The following ST3GAL5 variants were observed in gnomAD, a reference collection of about 807,000 sequenced individuals.
ST3GAL5 encodes the protein ST3 beta-galactoside alpha-2,3-sialyltransferase 5, also known as lactosylceramide alpha-2,3-sialyltransferase.
Under a neutral mutation model 46.1 loss-of-function variants are expected in ST3GAL5, and 25 were observed. That is an observed-to-expected ratio of 0.54 (90% CI 0.40 to 0.76). The LOEUF (loss-of-function observed/expected upper bound fraction) is 0.76. ST3GAL5 is among the 30% of genes least tolerant of loss of function. The pLI is 0.00. For synonymous variants in ST3GAL5, 182 were observed against 192.7 expected, an observed-to-expected ratio of 0.94 and a Z score of 0.46; for missense variants, 431 against 521.2, an observed-to-expected ratio of 0.83 and a Z score of 1.69.
intron 3 of ST3GAL5, chr2:85,848,656 G>T: frequency 3.4e-6 from 1 of 291,948 alleles, no homozygotes; most frequent in South Asian, 3.5e-5. Context: ...ATCTAAAGTA[G>T]TCAAATTCAT....
chr2:85,844,682 A>C, intron 5 of ST3GAL5, 128 bp from the exon 6 acceptor site: 2 of 1,280,938 alleles, frequency 1.6e-6, no homozygotes, highest in Non-Finnish European at 2.2e-6. Context: ...GAAGCAATCT[A>C]CTCCTATAGA....
chr2:85,838,036 A>G lies in ST3GAL5; in HGVS notation c.*2108T>C, dbSNP rs1681634322. ...ATGCAACTTCCAACAAATGAATGCC[A>G]AAGTGTGAAAAGTTCTTGAGAATGA... On this transcript the variant is annotated 3_prime_UTR_variant, in exon 7 of 7. Coordinates refer to ENST00000638572, the MANE Select transcript of ST3GAL5 (RefSeq NM_003896.4). The G allele has an allele frequency of 6.6e-6, 1 of 152,300 alleles. No homozygotes were observed. Among genetic ancestry groups the G allele is most frequent in the Admixed American group, 6.5e-5 (1 of 15,286 alleles). 9.4% of individuals were successfully genotyped at this position (152,300 alleles called of 1,614,324 possible).
Position 85,888,949 on chromosome 2 carries a change from G to A in ST3GAL5, c.-44C>T. 2.4e-6 allele frequency: 3 copies of A among 1,246,656 alleles called. No individual in the cohort carries two copies. Among genetic ancestry groups the A allele is most frequent in the South Asian group, 2.4e-5 (1 of 41,260 alleles). The allele number at this position is 1,246,656 out of a possible 1,614,324, so 77.2% of individuals were successfully genotyped here. A position where few individuals can be genotyped will look rare whatever the true frequency, so the allele number is the denominator to read the frequency against. ...GCCGGCCGCCAGCCCGGTACCCCGC[G>A]CCCCCACCCGCCCCCAGCGCCGCTC... On this transcript the variant is annotated 5_prime_UTR_variant, in exon 1 of 7. Transcript: ENST00000638572.
In ST3GAL5 at chr2:85,846,552, G is replaced by A. The variant is rs1252936267; in HGVS notation, c.674C>T (p.Ala225Val). The change falls in exon 5 of 7, where the codon GCA (alanine) becomes GTA (valine). Residue 225 changes from alanine (A) to valine (V), a missense_variant. Transcript: ENST00000638572. ...QFDVVIRLNS[A>V]PVEGYSEHVG... ...ATGTTCTGAATATCCCTCAACTGGT[G>A]CACTGTTTAACCTATTTAAATAAAA... 6.2e-7 allele frequency: 1 copy of A among 1,614,128 alleles called. No individual in the cohort carries two copies. The highest frequency in any genetic ancestry group is 8.5e-7 in the Non-Finnish European group (1 of 1,180,020).
intron 1 of ST3GAL5, among the ~76,000 whole-genome samples, chr2:85,872,780 A>C (rs1034176022): frequency 6.6e-6 from 1 of 152,154 alleles, no homozygotes; most frequent in Non-Finnish European, 1.5e-5. Context: ...GGGACCTACC[A>C]TCCGTGGGGA....
At chr2:85,882,127 G>A (rs1337137690) in intron 1 of ST3GAL5, among the ~76,000 whole-genome samples, 1 of 152,216 alleles carries the variant, frequency 6.6e-6, no homozygotes, top group Non-Finnish European at 1.5e-5. Context: ...GTCAAGAACT[G>A]AGGTTTGGGA....
At chr2:85,886,405 C>T (rs1441364718) in intron 1 of ST3GAL5, among the ~76,000 whole-genome samples, 1 of 152,194 alleles carries the variant, frequency 6.6e-6, no homozygotes, top group Non-Finnish European at 1.5e-5. Flanking sequence ...TGGAGTACAA[C>T]ACAAGGGGAG....
intron 6 of ST3GAL5, 49 bp from the exon 7 acceptor site, chr2:85,840,441 A>T (rs774786844): frequency 1.9e-6 from 3 of 1,605,068 alleles, no homozygotes; most frequent in Non-Finnish European, 2.6e-6. Context: ...TTTTGGCACA[A>T]GTCACCATTT....
chr2:85,867,575 C>T lies in ST3GAL5; in HGVS notation c.83-4090G>A, dbSNP rs774147238. The T allele has an allele frequency of 2.0e-5, 16 of 780,826 alleles. No homozygotes were observed. In the Admixed American group the frequency reaches 2.4e-4, roughly 12 times the overall value. 48.4% of individuals were successfully genotyped at this position (780,826 alleles called of 1,614,324 possible). ...AGGAAGAGGCTGACGAATCCAGTTT[C>T]TCAGAAAGAAACGTGTGATGGGGAC... On this transcript the variant is annotated intron_variant, in intron 1 of 6. Transcript: ENST00000638572.
chr2:85,885,521 G>A (rs1687639374), intron 1 of ST3GAL5, among the ~76,000 whole-genome samples: 2 of 152,170 alleles, frequency 1.3e-5, no homozygotes, highest in South Asian at 2.1e-4. Context: ...GGAACTACCA[G>A]TGTGATCATT....
chr2:85,882,324 G>A (rs141036915), intron 1 of ST3GAL5, among the ~76,000 whole-genome samples: 1,943 of 152,258 alleles, frequency 0.013, 15 homozygotes, highest in Non-Finnish European at 0.018. Context: ...GAGGGCCACC[G>A]TCCTCCAGAC....
At chr2:85,868,908 C>T (rs999269055) in intron 1 of ST3GAL5, among the ~76,000 whole-genome samples, 7 of 152,130 alleles carry the variant, frequency 4.6e-5, no homozygotes, top group Non-Finnish European at 7.3e-5. Context: ...CGTGAGCCAC[C>T]GCACCCAGCC....
chr2:85,885,701 G>A (rs191837683), intron 1 of ST3GAL5, among the ~76,000 whole-genome samples: 6 of 152,058 alleles, frequency 3.9e-5, no homozygotes, highest in Admixed American at 2.6e-4. Context: ...GGTGGCAGGC[G>A]CCTGTAGTCC....
At chr2:85,847,005 G>T (rs964455556) in intron 4 of ST3GAL5, among the ~76,000 whole-genome samples, 1 of 152,144 alleles carries the variant, frequency 6.6e-6, no homozygotes, top group Non-Finnish European at 1.5e-5. Context: ...TGTTGCCCAG[G>T]CTGGTCTTGA....
At chr2:85,880,163 G>A (rs1686989622) in intron 1 of ST3GAL5, among the ~76,000 whole-genome samples, 1 of 152,148 alleles carries the variant, frequency 6.6e-6, no homozygotes, top group Non-Finnish European at 1.5e-5. Context: ...GAACTGGAGG[G>A]ACAGTGACTG....
At chr2:85,875,277 C>G (rs1686411153) in intron 1 of ST3GAL5, 2 of 151,670 alleles carry the variant, frequency 1.3e-5, no homozygotes, top group Non-Finnish European at 2.9e-5. Flanking sequence ...CCAGGCTGGT[C>G]TCAAACCCCT....
At chr2:85,870,205 C>G (rs559380105) in intron 1 of ST3GAL5, 25 of 470,768 alleles carry the variant, frequency 5.3e-5, no homozygotes, top group Non-Finnish European at 1.1e-4. Flanking sequence ...CACTAGAATG[C>G]AGATTCCATG....
At position 85,846,978 on chromosome 2, in the gene ST3GAL5, G is replaced by A. The variant is rs188478605; in HGVS notation, c.663-415C>T. On this transcript the variant is annotated intron_variant, in intron 4 of 6. Coordinates refer to ENST00000638572, the MANE Select transcript of ST3GAL5 (RefSeq NM_003896.4). ...CTGGCTGACTTTTTGATTTTCTGTA[G>A]AGACAAGCTGTCTCTATGTTGCCCA... is the stretch of plus-strand genomic sequence containing the variant. 2.0e-5 allele frequency among the ~76,000 whole-genome samples: 3 copies of A among 152,276 alleles called. No individual in the cohort carries two copies. The East Asian group carries it at 5.8e-4, about 29-fold the overall frequency.
intron 3 of ST3GAL5, chr2:85,849,290 G>A (rs1027815809): frequency 2.0e-5 from 3 of 152,252 alleles, no homozygotes; most frequent in Non-Finnish European, 4.4e-5. Flanking sequence ...GCTGAGGCAT[G>A]AGTATCGAGT....
Sources: gnomAD v4.1 joint callset for allele counts (sites outside exome capture counted in the v4.1 genomes callset) on GRCh38, gnomAD v4.1.1 for gene constraint, MANE v1.5 for transcripts, NCBI Gene and HGNC (gene_info 2026-07-23, HGNC 2026-07-21) for gene names.